DAPK1: variants seen among roughly 807,000 people sequenced by gnomAD.
DAPK1 encodes the protein death-associated protein kinase 1.
In DAPK1, 56 loss-of-function variants were observed where a neutral mutation model predicts 144.9. That is an observed-to-expected ratio of 0.39 (90% CI 0.31 to 0.48). The LOEUF (loss-of-function observed/expected upper bound fraction) is 0.48, where lower values mean the gene tolerates loss of function less well. Ranked by LOEUF, DAPK1 falls within the 20% of genes least tolerant of loss-of-function variation. DAPK1 has a pLI of 0.95. For missense variants in DAPK1, 1,454 were observed against 1,875.4 expected (o/e 0.78, Z 4.15); for synonymous variants, 690 against 749.0 (o/e 0.92, Z 1.29).
chr9:87,632,747 G>A, intron 3 of DAPK1: 4 of 980,748 alleles, frequency 4.1e-6, no homozygotes, highest in Non-Finnish European at 4.8e-6. Context: ...TATATATGTA[G>A]GGAAGAAGGA....
chr9:87,633,015 G>A (rs1284280730), intron 3 of DAPK1: 1 of 980,090 alleles, frequency 1.0e-6, no homozygotes, highest in Non-Finnish European at 1.2e-6. Context: ...GGATGAGAAG[G>A]ATGAGTATAT....
chr9:87,598,149 G>T (rs1033724046), intron 2 of DAPK1, among the ~76,000 whole-genome samples: 24 of 152,216 alleles, frequency 1.6e-4, no homozygotes, highest in African/African-American at 5.5e-4. Flanking sequence ...CTAATATTCT[G>T]GCAGAATTCA....
rs377408511 is a variant in DAPK1, at chr9:87,605,185, G to T, written c.284+10G>T. On this transcript the variant is annotated intron_variant, in intron 3 of 25. Coordinates refer to ENST00000408954, the MANE Select transcript of DAPK1 (RefSeq NM_004938.4). ...TCCTGATCTTGGAACTGTGAGTGCC[G>T]CCTGGGCCAGGCTGGGGAGAGGGTG... 9 of 1,606,304 alleles carry T rather than the reference G, an allele frequency of 5.6e-6. No individual in the cohort carries two copies. In the East Asian group the frequency reaches 1.8e-4, roughly 32 times the overall value.
At chr9:87,557,427 TC>T (rs1264583990) in intron 2 of DAPK1, among the ~76,000 whole-genome samples, 2 of 152,334 alleles carry the variant, frequency 1.3e-5, no homozygotes, top group South Asian at 4.1e-4. Flanking sequence ...ACAGCTTTCT[TC>T]CTGTGATTCA....
chr9:87,553,708 C>G (rs1424905441), intron 2 of DAPK1: 1 of 151,794 alleles, frequency 6.6e-6, no homozygotes, highest in South Asian at 2.1e-4. Context: ...GTTAGCCAGG[C>G]TGGTCTCGAC....
At chr9:87,548,662 A>T (rs1007773681) in intron 2 of DAPK1, among the ~76,000 whole-genome samples, 3 of 152,118 alleles carry the variant, frequency 2.0e-5, no homozygotes, top group African/African-American at 7.2e-5. Flanking sequence ...TTTCTTTGGG[A>T]TAACCATTTC....
chr9:87,666,766 G>C (rs1029376064), intron 18 of DAPK1, among the ~76,000 whole-genome samples: 1 of 152,124 alleles, frequency 6.6e-6, no homozygotes, highest in African/African-American at 2.4e-5. Context: ...GAGCCACCAT[G>C]CCTGGCTGTG....
chr9:87,555,135 T>C (rs1826657449), intron 2 of DAPK1, among the ~76,000 whole-genome samples: 1 of 152,198 alleles, frequency 6.6e-6, no homozygotes, highest in African/African-American at 2.4e-5. Flanking sequence ...CTTAAGGACT[T>C]GGGGGTTTAC....
intron 2 of DAPK1, among the ~76,000 whole-genome samples, chr9:87,521,649 G>A (rs1216079859): frequency 6.6e-6 from 1 of 152,208 alleles, no homozygotes; most frequent in African/African-American, 2.4e-5. Context: ...ATCTCATTTA[G>A]TGTACTTTTT....
chr9:87,558,480 A>AAT (rs1826795247), intron 2 of DAPK1, among the ~76,000 whole-genome samples: 1 of 148,198 alleles, frequency 6.7e-6, no homozygotes, highest in South Asian at 2.2e-4. Context: ...ATCACTTGAT[A>AAT]ATATGCTCCA....
intron 3 of DAPK1, among the ~76,000 whole-genome samples, chr9:87,609,855 TC>T (rs1828866166): frequency 1.3e-5 from 2 of 152,194 alleles, no homozygotes; most frequent in Admixed American, 6.5e-5. Context: ...AAGTCGAACT[TC>T]CTCTGAGGGT....
intron 2 of DAPK1, among the ~76,000 whole-genome samples, chr9:87,521,450 C>A (rs997450089): frequency 3.3e-5 from 5 of 152,290 alleles, no homozygotes; most frequent in Middle Eastern, 3.4e-3. Flanking sequence ...AAGCTGGGAC[C>A]AGGAGCCAGT....
chr9:87,663,865 G>C (rs1376477062), intron 18 of DAPK1, among the ~76,000 whole-genome samples: 6 of 152,056 alleles, frequency 3.9e-5, no homozygotes, highest in Admixed American at 3.3e-4. Flanking sequence ...ACTCTGCCCA[G>C]GATCATGGAA....
chr9:87,632,106 A>G (rs146320647), intron 3 of DAPK1: 7 of 650,362 alleles, frequency 1.1e-5, no homozygotes, highest in African/African-American at 1.9e-5. Flanking sequence ...ATATATATAT[A>G]TATGTATGTG....
At chr9:87,561,976 T>C (rs1045213760) in intron 2 of DAPK1, among the ~76,000 whole-genome samples, 2 of 152,134 alleles carry the variant, frequency 1.3e-5, no homozygotes, top group African/African-American at 4.8e-5. Flanking sequence ...CCCTGTGAGC[T>C]GCCTGCAAGG....
Position 87,707,093 on chromosome 9 carries a change from C to G in DAPK1, c.4022C>G (p.Ala1341Gly). The G allele has an allele frequency of 6.2e-7, 1 of 1,614,052 alleles. No individual in the cohort carries two copies. The change falls in exon 26 of 26, where the codon GCA becomes GGA. Residue 1341 changes from alanine (A) to glycine (G), a missense_variant. Ala to Gly is a moderately conservative substitution (Grantham distance 60). Transcript: ENST00000408954. This position sits in a 1 kb window ranked among gnomAD's most constrained non-coding sequence, Gnocchi z 4.0. ...AACTTAGGCCTCCCTGACCTCGTGGCAAAGTACAACACCAGTAACGGGGCT... is the reference window on the plus strand; with the variant it reads ...AACTTAGGCCTCCCTGACCTCGTGGGAAAGTACAACACCAGTAACGGGGCT... ...AMNLGLPDLVAKYNTSNGAPK... is the reference protein window; with the variant it reads ...AMNLGLPDLVGKYNTSNGAPK...
At chr9:87,598,414 T>A (rs952717366) in intron 2 of DAPK1, among the ~76,000 whole-genome samples, 4 of 152,214 alleles carry the variant, frequency 2.6e-5, no homozygotes, top group African/African-American at 9.7e-5. Flanking sequence ...AATTTTTAAC[T>A]GCATATGTAT....
intron 3 of DAPK1, among the ~76,000 whole-genome samples, chr9:87,620,941 A>C (rs2119039821): frequency 6.6e-6 from 1 of 152,246 alleles, no homozygotes; most frequent in Non-Finnish European, 1.5e-5. Context: ...GGGTCTCCAA[A>C]GCCTGGGCTG....
chr9:87,637,828 G>T, intron 3 of DAPK1, 115 bp from the exon 4 acceptor site: 1 of 1,173,422 alleles, frequency 8.5e-7, no homozygotes. Flanking sequence ...GGCGGTTTCA[G>T]CATAGTCTTT....
Sources: allele counts gnomAD v4.1 joint callset (sites outside exome capture counted in the v4.1 genomes callset), GRCh38; gene constraint gnomAD v4.1.1; non-coding constraint Gnocchi (gnomAD v3.1); transcripts MANE v1.5; gene names NCBI Gene and HGNC (gene_info 2026-07-23, HGNC 2026-07-21).